Variants in THSD7A observed in about 807,000 individuals in gnomAD.
THSD7A encodes thrombospondin type-1 domain-containing protein 7A.
A neutral mutation model predicts 231.3 loss-of-function variants in THSD7A; 96 were observed. The observed-to-expected ratio is 0.41, with a 90% confidence interval of 0.35 to 0.49. The LOEUF is 0.49. Ranked by LOEUF, THSD7A falls within the 20% of genes least tolerant of loss-of-function variation. THSD7A has a pLI of 0.05. For missense variants in THSD7A, 2,290 were observed against 2,070.2 expected, an observed-to-expected ratio of 1.11 and a Z score of -2.06; for synonymous variants, 940 against 743.3, an observed-to-expected ratio of 1.26 and a Z score of -4.30.
chr7:11,640,014 T>C (rs541488627), intron 1 of THSD7A, among the ~76,000 whole-genome samples: 1 of 152,314 alleles, frequency 6.6e-6, no homozygotes, highest in African/African-American at 2.4e-5. Flanking sequence ...TGAAAATGAT[T>C]CATCATTTAC....
intron 1 of THSD7A, among the ~76,000 whole-genome samples, chr7:11,673,732 G>A (rs1783512103): frequency 6.6e-6 from 1 of 152,160 alleles, no homozygotes; most frequent in Admixed American, 6.5e-5. Flanking sequence ...GAAGGGCATG[G>A]CTTGATAGTC....
At chr7:11,802,847 G>T (rs1784312483) in intron 1 of THSD7A, among the ~76,000 whole-genome samples, 1 of 152,112 alleles carries the variant, frequency 6.6e-6, no homozygotes, top group Admixed American at 6.6e-5. Context: ...CCTAAAATGT[G>T]TGAAGTTCCG....
intron 9 of THSD7A, among the ~76,000 whole-genome samples, chr7:11,465,754 A>T (rs1785676863): frequency 6.6e-6 from 1 of 151,996 alleles, no homozygotes. Context: ...TATTCCTTCT[A>T]TTTCTCAACA....
chr7:11,520,445 T>A (rs1788215695), intron 6 of THSD7A, among the ~76,000 whole-genome samples: 1 of 152,146 alleles, frequency 6.6e-6, no homozygotes. Flanking sequence ...TATTTAAAAT[T>A]AATTATATAC....
intron 9 of THSD7A, among the ~76,000 whole-genome samples, chr7:11,463,935 T>C (rs1422380586): frequency 6.6e-6 from 1 of 152,168 alleles, no homozygotes; most frequent in African/African-American, 2.4e-5. Context: ...TCTGTCTCCC[T>C]TGACAATCTG....
chr7:11,825,385 C>G (rs746152766), intron 1 of THSD7A, among the ~76,000 whole-genome samples: 14 of 152,018 alleles, frequency 9.2e-5, no homozygotes, highest in Non-Finnish European at 1.2e-4. Flanking sequence ...TCTCAAAGTC[C>G]GTGTTCTTTC....
In THSD7A at chr7:11,449,020, C is replaced by G. The variant is rs1785062229; in HGVS notation, c.2606-1596G>C. On this transcript the variant is annotated intron_variant, in intron 11 of 27. Transcript: ENST00000423059. ...GAGAATCTACCCCCTTGAGGGAGGA[C>G]ACATCTGGTACTCTGTTTAATCATA... is the stretch of plus-strand genomic sequence containing the variant. 3.3e-5 allele frequency among the ~76,000 whole-genome samples: 5 copies of G among 152,000 alleles called. No individual in the cohort carries two copies. The South Asian group carries it at 1.0e-3, about 31-fold the overall frequency.
At chr7:11,645,992 A>T (rs1290357199) in intron 1 of THSD7A, among the ~76,000 whole-genome samples, 4 of 151,948 alleles carry the variant, frequency 2.6e-5, no homozygotes, top group African/African-American at 9.7e-5. Flanking sequence ...AAAAGTTCCC[A>T]ATTTTTGAGT....
At chr7:11,573,056 G>A (rs1790716848) in intron 4 of THSD7A, among the ~76,000 whole-genome samples, 1 of 152,116 alleles carries the variant, frequency 6.6e-6, no homozygotes, top group South Asian at 2.1e-4. Context: ...ATTAGAGCTA[G>A]CTCTTTTTAA....
At chr7:11,543,616 G>T (rs904056326) in intron 4 of THSD7A, among the ~76,000 whole-genome samples, 3 of 152,126 alleles carry the variant, frequency 2.0e-5, no homozygotes, top group African/African-American at 7.2e-5. Flanking sequence ...GATGAAGAAG[G>T]ATCTCAAATG....
At chr7:11,776,604 T>G (rs944525286) in intron 1 of THSD7A, among the ~76,000 whole-genome samples, 1 of 152,178 alleles carries the variant, frequency 6.6e-6, no homozygotes, top group African/African-American at 2.4e-5. Context: ...ATTTTGATGT[T>G]TGCTGTGTTT....
intron 1 of THSD7A, among the ~76,000 whole-genome samples, chr7:11,808,422 A>G (rs1479471791): frequency 6.6e-6 from 1 of 151,996 alleles, no homozygotes; most frequent in Non-Finnish European, 1.5e-5. Flanking sequence ...ACCTGCCAAC[A>G]CCTTGGTCTT....
intron 1 of THSD7A, among the ~76,000 whole-genome samples, chr7:11,702,277 T>C (rs1375487022): frequency 6.6e-6 from 1 of 151,170 alleles, no homozygotes. Context: ...ACTGGTTGGA[T>C]TGAGTAGTTG....
chr7:11,625,413 C>G (rs1162816654), intron 2 of THSD7A, among the ~76,000 whole-genome samples: 1 of 152,060 alleles, frequency 6.6e-6, no homozygotes, highest in Non-Finnish European at 1.5e-5. Context: ...AATTACTATA[C>G]TGGTAAATAC....
At chr7:11,576,550 G>A (rs10486153) in intron 4 of THSD7A, among the ~76,000 whole-genome samples, 26,900 of 152,066 alleles carry the variant, frequency 0.18, 2,479 homozygotes, top group East Asian at 0.23. Context: ...TGTCAAGTGT[G>A]GGATAGACAG....
intron 1 of THSD7A, chr7:11,821,370 C>T: frequency 1.7e-6 from 1 of 572,686 alleles, no homozygotes; most frequent in Non-Finnish European, 3.2e-6. Context: ...GACTTTTTAT[C>T]TCTTCTCCCT....
intron 6 of THSD7A, among the ~76,000 whole-genome samples, chr7:11,529,683 G>C (rs568054609): frequency 6.6e-6 from 1 of 152,238 alleles, no homozygotes; most frequent in African/African-American, 2.4e-5. Flanking sequence ...TTTTCTGAGT[G>C]AGGCCTCTTC....
At chr7:11,707,437 A>G (rs929458503) in intron 1 of THSD7A, among the ~76,000 whole-genome samples, 7 of 150,870 alleles carry the variant, frequency 4.6e-5, no homozygotes, top group African/African-American at 1.2e-4. Context: ...ACCTGTATAT[A>G]TAACTCTGTT....
intron 4 of THSD7A, among the ~76,000 whole-genome samples, chr7:11,561,664 A>G (rs529161043): frequency 1.3e-5 from 2 of 152,276 alleles, no homozygotes; most frequent in African/African-American, 4.8e-5. Context: ...TGAGGCTAGG[A>G]GTTCAAGGCC....
Sources: allele counts gnomAD v4.1 joint callset (sites outside exome capture counted in the v4.1 genomes callset), GRCh38; gene constraint gnomAD v4.1.1; transcripts MANE v1.5; gene names NCBI Gene and HGNC (gene_info 2026-07-23, HGNC 2026-07-21).